CELF2: variants seen among roughly 807,000 people sequenced by gnomAD.
CELF2 encodes CUGBP Elav-like family member 2, also known as CUG triplet repeat RNA-binding protein 2.
A neutral mutation model predicts 62.6 loss-of-function variants in CELF2; 8 were observed. The observed-to-expected ratio is 0.13, with a 90% confidence interval of 0.07 to 0.23. The LOEUF (loss-of-function observed/expected upper bound fraction) is 0.23. Among genes scored for constraint, CELF2 ranks in the 10% least tolerant of loss-of-function variants. The pLI is 1.00. For missense variants in CELF2, 333 were observed against 671.0 expected (o/e 0.50, Z 5.56); for synonymous variants, 258 against 250.0 (o/e 1.03, Z -0.30).
upstream of CELF2, among the ~76,000 whole-genome samples, chr10:11,002,228 A>T (rs1592933431): frequency 6.6e-6 from 1 of 152,162 alleles, no homozygotes; most frequent in South Asian, 2.1e-4. The surrounding 1 kb of genome is among the most constrained non-coding windows in gnomAD (Gnocchi z 4.4). Context: ...AAACCAACAG[A>T]TCTCATAAGA....
chr10:10,515,128 G>A, the CELF2 span, among the ~76,000 whole-genome samples: 1 of 152,196 alleles, frequency 6.6e-6, no homozygotes, highest in African/African-American at 2.4e-5. Flanking sequence ...AGCTACTAGG[G>A]ACAGAGGGTC....
At chr10:11,197,356 A>G (rs1462939837) in intron 2 of CELF2, among the ~76,000 whole-genome samples, 1 of 152,204 alleles carries the variant, frequency 6.6e-6, no homozygotes, top group Non-Finnish European at 1.5e-5. Context: ...TCATATGGGT[A>G]AAAAAGGTTT....
intron 4 of CELF2, among the ~76,000 whole-genome samples, chr10:11,253,677 T>C (rs2077803009): frequency 6.6e-6 from 1 of 152,212 alleles, no homozygotes; most frequent in South Asian, 2.1e-4. Flanking sequence ...TAAATGAAGT[T>C]TCTATTCCCC....
In CELF2 at chr10:11,068,191, T is replaced by C. The variant is rs368851601; in HGVS notation, c.74+50028T>C. ...TGAGGAAACACAGTCTCTACGCTTA[T>C]TTAAAGTTTATTGAGAGAGCAGACA... On this transcript the variant is annotated intron_variant, in intron 1 of 12. Transcript: ENST00000633077. 1.9e-3 allele frequency among the ~76,000 whole-genome samples: 292 copies of C among 152,360 alleles called. 1 individual carries two copies. The highest frequency in any genetic ancestry group is 6.4e-3 in the African/African-American group (268 of 41,586).
Position 10,893,568 on chromosome 10 carries a change from G to A in CELF2, c.54-26396G>A, listed in dbSNP as rs569832132. Among the ~76,000 whole-genome samples the A allele has an allele frequency of 4.9e-4, 74 of 152,290 alleles. 2 individuals are homozygous for A. The South Asian group carries it at 9.1e-3, about 19-fold the overall frequency. On this transcript the variant is annotated intron_variant, in intron 1 of 13. Coordinates refer to the CELF2 transcript ENST00000636488. ...ATTCATCCATTCTCACATTGCTATAGAGAGATACCTGAGACGGGGTAATTT... is the reference window on the plus strand; with the variant it reads ...ATTCATCCATTCTCACATTGCTATAAAGAGATACCTGAGACGGGGTAATTT...
rs371861205 is a variant in CELF2, at chr10:11,118,833, G to A, written c.75-46653G>A. ...CTTGAATCATTTGAGCAGGAGACAAGGAGGTCAGCAACCCCCAGTTCTATT... is the reference window on the plus strand; with the variant it reads ...CTTGAATCATTTGAGCAGGAGACAAAGAGGTCAGCAACCCCCAGTTCTATT... On this transcript the variant is annotated intron_variant, in intron 1 of 12. Coordinates refer to ENST00000633077, the MANE Select transcript of CELF2 (RefSeq NM_001326342.2). 3.8e-4 allele frequency among the ~76,000 whole-genome samples: 58 copies of A among 152,350 alleles called. 1 individual carries two copies. The South Asian group carries it at 9.3e-3, about 25-fold the overall frequency.
At position 11,095,081 on chromosome 10, in the gene CELF2, T is replaced by A. The variant is rs577559765; in HGVS notation, c.75-70405T>A. 5.7e-4 allele frequency among the ~76,000 whole-genome samples: 87 copies of A among 152,312 alleles called. 1 individual carries two copies. Among genetic ancestry groups the A allele is most frequent in the Non-Finnish European group, 1.1e-3 (75 of 68,026 alleles). On this transcript the variant is annotated intron_variant, in intron 1 of 12. Coordinates refer to ENST00000633077, the MANE Select transcript of CELF2 (RefSeq NM_001326342.2). Reference sequence around the variant, plus strand: ...CAATCATTCATCCCTTTTAATTATATTTATGTCATTTTTGGTTTTTATTTT... The same window carrying A: ...CAATCATTCATCCCTTTTAATTATAATTATGTCATTTTTGGTTTTTATTTT...
intron 1 of CELF2, among the ~76,000 whole-genome samples, chr10:10,911,630 G>A (rs1215856469): frequency 2.0e-5 from 3 of 152,318 alleles, no homozygotes; most frequent in Non-Finnish European, 2.9e-5. Flanking sequence ...GCGCCTCTCC[G>A]CAAGCCTGGG....
intron 4 of CELF2, among the ~76,000 whole-genome samples, chr10:11,256,897 T>C (rs531023222): frequency 1.4e-4 from 22 of 152,088 alleles, no homozygotes; most frequent in African/African-American, 5.3e-4. Context: ...CAAATGCACT[T>C]TTATTCCCCG....
At chr10:10,658,358 T>G in the CELF2 span, among the ~76,000 whole-genome samples, 1 of 152,204 alleles carries the variant, frequency 6.6e-6, no homozygotes, top group Non-Finnish European at 1.5e-5. Context: ...CATTTCCACT[T>G]TTGTAGATTA....
intron 1 of CELF2, among the ~76,000 whole-genome samples, chr10:11,076,681 A>G (rs902726219): frequency 2.6e-5 from 4 of 152,180 alleles, no homozygotes; most frequent in African/African-American, 9.7e-5. Context: ...TTTGGTGCAT[A>G]CTAAAATGAT....
At chr10:11,070,218 T>C (rs1241341705) in intron 1 of CELF2, among the ~76,000 whole-genome samples, 1 of 151,992 alleles carries the variant, frequency 6.6e-6, no homozygotes, top group Non-Finnish European at 1.5e-5. Flanking sequence ...GAATTTCAGG[T>C]AGAGAGAACA....
At chr10:10,690,232 A>C in the CELF2 span, among the ~76,000 whole-genome samples, 1 of 152,220 alleles carries the variant, frequency 6.6e-6, no homozygotes, top group Non-Finnish European at 1.5e-5. Context: ...TCCCTTTGTG[A>C]CTGGTTCATT....
intron 2 of CELF2, among the ~76,000 whole-genome samples, chr10:11,170,527 A>T (rs899707261): frequency 1.3e-5 from 2 of 152,054 alleles, no homozygotes; most frequent in Non-Finnish European, 2.9e-5. Flanking sequence ...GTGAGGAAAG[A>T]TACAGAGTCA....
At chr10:10,925,526 T>C (rs2065381325) in intron 2 of CELF2, among the ~76,000 whole-genome samples, 1 of 152,090 alleles carries the variant, frequency 6.6e-6, no homozygotes, top group South Asian at 2.1e-4. Flanking sequence ...AAGGTACCGA[T>C]CATCCCAGTG....
At chr10:10,611,802 T>G in the CELF2 span, among the ~76,000 whole-genome samples, 1 of 152,162 alleles carries the variant, frequency 6.6e-6, no homozygotes, top group Non-Finnish European at 1.5e-5. Flanking sequence ...GTATAAAATC[T>G]CCTTTTATCT....
chr10:10,757,014 T>A, the CELF2 span, among the ~76,000 whole-genome samples: 1 of 152,088 alleles, frequency 6.6e-6, no homozygotes, highest in Non-Finnish European at 1.5e-5. Context: ...TGGTGGCACG[T>A]GCCTGTAGTC....
the CELF2 span, among the ~76,000 whole-genome samples, chr10:10,780,372 T>A: frequency 5.0e-4 from 76 of 152,316 alleles, no homozygotes; most frequent in Middle Eastern, 3.4e-3. Flanking sequence ...TGCTTCTTGG[T>A]GTTGCCAGAT....
the CELF2 span, among the ~76,000 whole-genome samples, chr10:10,777,300 T>C: frequency 1.4e-3 from 209 of 152,274 alleles, no homozygotes; most frequent in African/African-American, 4.9e-3. Flanking sequence ...TGGTGCATCC[T>C]CATACAGATG....
Sources: gnomAD v4.1 joint callset for allele counts (sites outside exome capture counted in the v4.1 genomes callset) on GRCh38, gnomAD v4.1.1 for gene constraint, Gnocchi (gnomAD v3.1) non-coding constraint, MANE v1.5 for transcripts, NCBI Gene and HGNC (gene_info 2026-07-23, HGNC 2026-07-21) for gene names.